The following MACROD2 variants were observed in gnomAD, a reference collection of about 807,000 sequenced individuals.
MACROD2 encodes the protein ADP-ribose glycohydrolase MACROD2.
In MACROD2, 36 loss-of-function variants were observed where a neutral mutation model predicts 70.4. The ratio of observed to expected loss-of-function variants is 0.51; its 90% CI spans 0.39 to 0.68. The LOEUF (loss-of-function observed/expected upper bound fraction) is 0.68, where lower values mean the gene tolerates loss of function less well. MACROD2 is among the 30% of genes least tolerant of loss of function. MACROD2 has a pLI of 0.00. For missense variants in MACROD2, 496 were observed against 538.4 expected (o/e 0.92, Z 0.78); for synonymous variants, 172 against 178.8 (o/e 0.96, Z 0.30).
chr20:15,484,103 T>C (rs1197843942), intron 7 of MACROD2, among the ~76,000 whole-genome samples: 1 of 135,248 alleles, frequency 7.4e-6, no homozygotes, highest in Non-Finnish European at 1.6e-5. Context: ...CTTGCTGCTT[T>C]ATCTAGGACC....
At position 14,701,210 on chromosome 20, in the gene MACROD2, G is replaced by C. The variant is rs180992692; in HGVS notation, c.418+16251G>C. 3.9e-5 allele frequency among the ~76,000 whole-genome samples: 6 copies of C among 152,216 alleles called. No homozygotes were observed. In the East Asian group the frequency reaches 1.2e-3, roughly 29 times the overall value. On this transcript the variant is annotated intron_variant, in intron 5 of 17. Transcript: ENST00000684519. The stretch of plus-strand genomic sequence containing the variant: ...CACTCAGGTTTCTCTTCTGCCTTTT[G>C]TATTTCCATATGTCACTGCTATCTA...
At chr20:14,926,964 G>C (rs1448355609) in intron 5 of MACROD2, among the ~76,000 whole-genome samples, 1 of 152,148 alleles carries the variant, frequency 6.6e-6, no homozygotes, top group Non-Finnish European at 1.5e-5. Flanking sequence ...TCCAGTGAAT[G>C]TGGGTTTTAA....
chr20:15,311,910 A>T (rs190981161), intron 6 of MACROD2, among the ~76,000 whole-genome samples: 1 of 152,290 alleles, frequency 6.6e-6, no homozygotes, highest in Admixed American at 6.5e-5. Context: ...GCAAACCTGT[A>T]CATGTATCCC....
chr20:14,786,197 A>G (rs1264636839), intron 5 of MACROD2, among the ~76,000 whole-genome samples: 1 of 137,548 alleles, frequency 7.3e-6, no homozygotes, highest in Non-Finnish European at 1.6e-5. Flanking sequence ...GTTCACTCAG[A>G]GAAAGATAGA....
intron 6 of MACROD2, among the ~76,000 whole-genome samples, chr20:15,351,603 AG>A (rs1174520502): frequency 2.6e-5 from 4 of 152,134 alleles, no homozygotes; most frequent in African/African-American, 9.7e-5. Context: ...CCCTCTAAAA[AG>A]TCATAGCTGT....
At chr20:14,219,528 C>T (rs563261370) in intron 3 of MACROD2, among the ~76,000 whole-genome samples, 10 of 152,234 alleles carry the variant, frequency 6.6e-5, no homozygotes, top group South Asian at 2.1e-4. Flanking sequence ...AATTATTTTT[C>T]GAGTAAAGCA....
At chr20:14,507,731 C>T (rs2084985127) in intron 4 of MACROD2, among the ~76,000 whole-genome samples, 1 of 152,102 alleles carries the variant, frequency 6.6e-6, no homozygotes, top group Non-Finnish European at 1.5e-5. Context: ...AATAGATTCT[C>T]CACTCCCCAC....
intron 5 of MACROD2, among the ~76,000 whole-genome samples, chr20:14,989,165 T>C (rs1189979918): frequency 6.6e-6 from 1 of 152,188 alleles, no homozygotes; most frequent in Non-Finnish European, 1.5e-5. Flanking sequence ...CCCAATTATT[T>C]CATATATTAC....
intron 4 of MACROD2, among the ~76,000 whole-genome samples, chr20:14,551,899 T>C (rs1978674608): frequency 6.6e-6 from 1 of 152,186 alleles, no homozygotes; most frequent in East Asian, 1.9e-4. Flanking sequence ...TGTATGTGCA[T>C]GAATATGTCT....
At chr20:15,014,375 A>C (rs182907066) in intron 5 of MACROD2, among the ~76,000 whole-genome samples, 80 of 152,332 alleles carry the variant, frequency 5.3e-4, no homozygotes, top group African/African-American at 1.8e-3. Context: ...AAATTGCAGC[A>C]CACTAGCATT....
At chr20:15,504,910 G>A (rs2047406844) in intron 8 of MACROD2, among the ~76,000 whole-genome samples, 1 of 152,146 alleles carries the variant, frequency 6.6e-6, no homozygotes, top group South Asian at 2.1e-4. Flanking sequence ...GCAATTTCAT[G>A]CATTCCTTAT....
chr20:15,778,375 A>G (rs2051768089), intron 8 of MACROD2, among the ~76,000 whole-genome samples: 1 of 152,122 alleles, frequency 6.6e-6, no homozygotes, highest in African/African-American at 2.4e-5. Context: ...TGGCATATTT[A>G]TTAAGTGTTC....
intron 8 of MACROD2, among the ~76,000 whole-genome samples, chr20:15,709,816 C>T (rs1419234114): frequency 6.6e-6 from 1 of 152,144 alleles, no homozygotes. Context: ...TCTCTTCTAG[C>T]TATTTGAAAA....
chr20:15,270,184 A>G (rs911463516), intron 6 of MACROD2, among the ~76,000 whole-genome samples: 7 of 147,632 alleles, frequency 4.7e-5, no homozygotes, highest in Non-Finnish European at 8.9e-5. Flanking sequence ...GCTGTACACA[A>G]GTGTTTTCGG....
In MACROD2 at chr20:15,792,162, C is replaced by T. The variant is rs537900697; in HGVS notation, c.646-70583C>T. The stretch of plus-strand genomic sequence containing the variant: ...AAAGAGCTTTTTCACTAGGTGGTGC[C>T]GGGACAAGGTACTAACTGCATGCAA... On this transcript the variant is annotated intron_variant, in intron 8 of 17. Transcript: ENST00000684519. Among the ~76,000 whole-genome samples the T allele has an allele frequency of 7.9e-5, 12 of 151,916 alleles. No homozygotes were observed. In the East Asian group the frequency reaches 1.5e-3, roughly 20 times the overall value.
At position 14,862,735 on chromosome 20, in the gene MACROD2, A is replaced by T. The variant is rs1359767931; in HGVS notation, c.418+177776A>T. 2.4e-5 allele frequency among the ~76,000 whole-genome samples: 3 copies of T among 124,840 alleles called. 1 individual carries two copies. Among genetic ancestry groups the T allele is most frequent in the African/African-American group, 9.3e-5 (3 of 32,410 alleles). The allele number at this position is 124,840 out of a possible 152,430, so 81.9% of individuals were successfully genotyped here. Reference sequence around the variant, plus strand: ...TATATATTTTTTTTTAATAGAGAGGATGAAGACCAAAGCAGTGAGTTCCAC... The same window carrying T: ...TATATATTTTTTTTTAATAGAGAGGTTGAAGACCAAAGCAGTGAGTTCCAC... On this transcript the variant is annotated intron_variant, in intron 5 of 17. Transcript: ENST00000684519.
At chr20:14,112,553 A>G (rs1356973214) in intron 3 of MACROD2, among the ~76,000 whole-genome samples, 2 of 152,002 alleles carry the variant, frequency 1.3e-5, no homozygotes, top group African/African-American at 2.4e-5. Flanking sequence ...AGTTTTATTA[A>G]TTTTAGTTGA....
At chr20:14,655,283 G>T (rs889038834) in intron 4 of MACROD2, among the ~76,000 whole-genome samples, 1 of 151,164 alleles carries the variant, frequency 6.6e-6, no homozygotes, top group African/African-American at 2.4e-5. Context: ...AATTACATCT[G>T]CCATACAAAG....
At chr20:15,403,518 A>G (rs1312766520) in intron 6 of MACROD2, among the ~76,000 whole-genome samples, 2 of 151,946 alleles carry the variant, frequency 1.3e-5, no homozygotes, top group African/African-American at 2.4e-5. Context: ...ACCCACTTTT[A>G]CTTCTTTGTT....
Sources: gnomAD v4.1 joint callset for allele counts (sites outside exome capture counted in the v4.1 genomes callset) on GRCh38, gnomAD v4.1.1 for gene constraint, MANE v1.5 for transcripts, NCBI Gene and HGNC (gene_info 2026-07-23, HGNC 2026-07-21) for gene names.